Variants in AMPD1 observed in about 807,000 individuals in gnomAD.
AMPD1 encodes the protein adenosine monophosphate deaminase 1, also known as AMP deaminase 1.
AMPD1 carries 74 observed loss-of-function variants against 82.9 expected under a neutral mutation model. The ratio of observed to expected loss-of-function variants is 0.89; its 90% CI spans 0.74 to 1.08. AMPD1 has a LOEUF of 1.08. Among genes scored for constraint, AMPD1 ranks in the 50% least tolerant of loss-of-function variants. AMPD1 has a pLI of 0.00. For missense variants in AMPD1, 881 were observed against 924.5 expected, an observed-to-expected ratio of 0.95 and a Z score of 0.61; for synonymous variants, 333 against 320.5, an observed-to-expected ratio of 1.04 and a Z score of -0.42.
At chr1:114,688,917 G>A (rs80270587) in intron 2 of AMPD1, 176 bp from the exon 3 acceptor site, 1 of 782,040 alleles carries the variant, frequency 1.3e-6, no homozygotes, top group Non-Finnish European at 2.3e-6. Flanking sequence ...GTTTCTGTGT[G>A]GGTACCTTGA....
intron 10 of AMPD1, 120 bp downstream of exon 10, chr1:114,677,231 A>G (rs1557969154): frequency 7.3e-7 from 1 of 1,370,472 alleles, no homozygotes. Flanking sequence ...CCGATAGTGA[A>G]TGCTGTTTTA....
chr1:114,684,369 C>CAAA lies in AMPD1; in HGVS notation c.382-8_382-6dup. The CAAA allele has an allele frequency of 7.9e-7, 1 of 1,260,860 alleles. No homozygotes were observed. The allele number at this position is 1,260,860 out of a possible 1,614,324, so 78.1% of individuals were successfully genotyped here. The stretch of plus-strand genomic sequence containing the variant: ...TTCAAAATCTTCAACTGTAACCTGC[C>CAAA]AAAAAAAAAAAAGTCAGCATATCAG... On this transcript the variant is annotated splice_region_variant and splice_polypyrimidine_tract_variant and intron_variant, in intron 4 of 15. Transcript: ENST00000520113.
At chr1:114,683,656 G>A (rs12036263) in intron 5 of AMPD1, among the ~76,000 whole-genome samples, 7,953 of 152,190 alleles carry the variant, frequency 0.052, 764 homozygotes, top group East Asian at 0.45. Flanking sequence ...AGAATCGCTT[G>A]AACCCAGGAG....
intron 3 of AMPD1, among the ~76,000 whole-genome samples, chr1:114,687,354 A>G (rs1159316910): frequency 1.3e-5 from 2 of 152,220 alleles, no homozygotes; most frequent in Non-Finnish European, 2.9e-5. Flanking sequence ...GATTTAATGT[A>G]TATAAAATGC....
chr1:114,682,362 AACTC>A (rs1658182140), intron 5 of AMPD1, among the ~76,000 whole-genome samples: 1 of 152,202 alleles, frequency 6.6e-6, no homozygotes. Context: ...AAGGATTAAT[AACTC>A]ACTATTAATG....
Position 114,679,486 on chromosome 1 carries a change from A to G in AMPD1, c.897+93T>C, listed in dbSNP as rs737549. The G allele has an allele frequency of 1.0e-3, 1,546 of 1,538,858 alleles. 12 individuals are homozygous for G. The African/African-American group carries it at 0.018, about 18-fold the overall frequency. On this transcript the variant is annotated intron_variant, in intron 7 of 15. Transcript: ENST00000520113. ...TCCACTGAACCTGTAGAAATCTTAG[A>G]TTAATCAGAAACACACTCTTTTCTT...
rs587779369 is a variant in AMPD1 at position 114,677,389 on chromosome 1, G to C, written c.1350C>G (p.Cys450Trp). Residue 450 changes from cysteine to tryptophan, a missense_variant, in exon 10 of 16, where the codon TGC becomes TGG. Cys to Trp is a radical substitution (Grantham distance 215). Transcript: ENST00000520113. ...CCTGGATCATCCATGTCATGTTGGGGCAGTGGATGCGATTGCAGACGAACC... is the reference window on the plus strand; with the variant it reads ...CCTGGATCATCCATGTCATGTTGGGCCAGTGGATGCGATTGCAGACGAACC... The part of the protein sequence containing the change: ...SSWFVCNRIH[C>W]PNMTWMIQVP... The C allele has an allele frequency of 4.3e-6, 7 of 1,610,898 alleles. No individual in the cohort carries two copies. Among genetic ancestry groups the C allele is most frequent in the East Asian group, 2.2e-5 (1 of 44,782 alleles).
chr1:114,677,382 T>C lies in AMPD1; in HGVS notation c.1357A>G (p.Met453Val). 1 of 1,609,536 alleles carries C rather than the reference T, an allele frequency of 6.2e-7. No individual in the cohort carries two copies. Among genetic ancestry groups the C allele is most frequent in the Non-Finnish European group, 8.5e-7 (1 of 1,179,054 alleles). The change falls in exon 10 of 16, where the codon ATG becomes GTG. Residue 453 changes from methionine (M) to valine (V), a missense_variant. Transcript: ENST00000520113. The stretch of plus-strand genomic sequence containing the variant: ...CTGGGAACCTGGATCATCCATGTCA[T>C]GTTGGGGCAGTGGATGCGATTGCAG... ...FVCNRIHCPNMTWMIQVPRIY... is the reference protein window; with the variant it reads ...FVCNRIHCPNVTWMIQVPRIY...
At position 114,686,771 on chromosome 1, in the gene AMPD1, G is replaced by C. The variant is rs757945054; in HGVS notation, c.355C>G (p.Gln119Glu). The change falls in exon 4 of 16, where the codon CAG becomes GAG. Residue 119 changes from glutamine (Q) to glutamate (E), a missense_variant. By Grantham distance (29) the Gln-to-Glu change is conservative (BLOSUM62 2). Coordinates refer to ENST00000520113, the MANE Select transcript of AMPD1 (RefSeq NM_000036.3). ...YQTVPDFQRVQITGDYASGVT... is the reference protein window; with the variant it reads ...YQTVPDFQRVEITGDYASGVT... ...CCAGAGGCATAGTCACCAGTAATCT[G>C]CACTCTCTGAAAATCAGGCACGGTC... 3 of 1,614,116 alleles carry C rather than the reference G, an allele frequency of 1.9e-6. No individual in the cohort carries two copies. The South Asian group carries it at 3.3e-5, about 18-fold the overall frequency.
Position 114,685,967 on chromosome 1 carries a change from T to A in AMPD1, c.381+778A>T, listed in dbSNP as rs7543893. Among the ~76,000 whole-genome samples, 780 of 152,304 alleles carry A rather than the reference T, an allele frequency of 5.1e-3. 6 individuals carry two copies. The highest frequency in any genetic ancestry group is 0.018 in the African/African-American group (742 of 41,562). The stretch of plus-strand genomic sequence containing the variant: ...GGGACCCAGCACTGGTCATTAAAAC[T>A]ATATTTGGAGCATCGACGGACGGCT... On this transcript the variant is annotated intron_variant, in intron 4 of 15. Transcript: ENST00000520113.
chr1:114,680,957 G>A (rs1658141445), intron 5 of AMPD1, among the ~76,000 whole-genome samples: 1 of 152,104 alleles, frequency 6.6e-6, no homozygotes, highest in Non-Finnish European at 1.5e-5. Context: ...GACAGAGGGA[G>A]ACCCTGTCTC....
chr1:114,688,494 A>G (rs1490305899), intron 3 of AMPD1, 67 bp downstream of exon 3: 9 of 1,542,494 alleles, frequency 5.8e-6, no homozygotes, highest in African/African-American at 5.5e-5. Flanking sequence ...AAATTGAACC[A>G]TATCTTCCCT....
In AMPD1 at chr1:114,674,096, G is replaced by T; in HGVS notation, c.1801-14C>A. On this transcript the variant is annotated splice_polypyrimidine_tract_variant and intron_variant, in intron 13 of 15. Coordinates refer to ENST00000520113, the MANE Select transcript of AMPD1 (RefSeq NM_000036.3). ...TAGCACGGGACTCTGAAAAAGAAAA[G>T]TAAAAAAATATTTAAAGATGTTGAA... 1.2e-6 allele frequency: 2 copies of T among 1,610,076 alleles called. No homozygotes were observed. The highest frequency in any genetic ancestry group is 1.7e-6 in the Non-Finnish European group (2 of 1,176,730).
intron 5 of AMPD1, among the ~76,000 whole-genome samples, chr1:114,681,591 C>T (rs1658159940): frequency 2.5e-5 from 1 of 40,508 alleles, no homozygotes; most frequent in Admixed American, 2.4e-4. Flanking sequence ...GAGACTCCAT[C>T]TCAAAAAAAA....
chr1:114,679,474 T>C, intron 7 of AMPD1, 105 bp downstream of exon 7: 1 of 1,495,938 alleles, frequency 6.7e-7, no homozygotes, highest in South Asian at 1.1e-5. Context: ...ACTGAACCTG[T>C]AGAAATCTTA....
Position 114,679,813 on chromosome 1 carries a change from G to A in AMPD1, c.768-105C>T, listed in dbSNP as rs761755. On this transcript the variant is annotated intron_variant, in intron 6 of 15. Transcript: ENST00000520113. The stretch of plus-strand genomic sequence containing the variant: ...CCTTTATCATTCATAGGAAATAATT[G>A]TTGGAACAAACCTTTTAGTTTACTC... 1,187,944 of 1,389,564 alleles carry A rather than the reference G, an allele frequency of 0.85. 510,563 individuals are homozygous for A. Among genetic ancestry groups the A allele is most frequent in the African/African-American group, 0.96 (67,680 of 70,298 alleles). 86.1% of individuals were successfully genotyped at this position (1,389,564 alleles called of 1,614,324 possible).
rs566356121 is a variant in AMPD1 at position 114,683,942 on chromosome 1, C to G, written c.547+257G>C. Among the ~76,000 whole-genome samples the G allele has an allele frequency of 3.4e-4, 51 of 152,104 alleles. No homozygotes were observed. In the Middle Eastern group the frequency reaches 0.01, roughly 30 times the overall value. ...AGACTGAAATTTTGCAGAGTAGTTA[C>G]GAAGCTCTTGCAATAATCTGGGCAA... On this transcript the variant is annotated intron_variant, in intron 5 of 15. Coordinates refer to ENST00000520113, the MANE Select transcript of AMPD1 (RefSeq NM_000036.3).
chr1:114,677,536 C>T (rs1434547708), intron 9 of AMPD1, 22 bp from the exon 10 acceptor site: 2 of 1,613,488 alleles, frequency 1.2e-6, no homozygotes, highest in African/African-American at 1.3e-5. Context: ...AGAGAGAAGT[C>T]CAAGCCAGGG....
At chr1:114,674,302 C>G (rs1657918306) in intron 13 of AMPD1, among the ~76,000 whole-genome samples, 1 of 152,098 alleles carries the variant, frequency 6.6e-6, no homozygotes, top group African/African-American at 2.4e-5. Flanking sequence ...TTGAGTCAAA[C>G]CAGATTGTTT....
Sources: allele counts gnomAD v4.1 joint callset (sites outside exome capture counted in the v4.1 genomes callset), GRCh38; gene constraint gnomAD v4.1.1; transcripts MANE v1.5; gene names NCBI Gene and HGNC (gene_info 2026-07-23, HGNC 2026-07-21).